The following PBRM1 variants were observed in gnomAD, a reference collection of about 807,000 sequenced individuals.
PBRM1 encodes polybromo 1.
A neutral mutation model predicts 194.5 loss-of-function variants in PBRM1; 27 were observed. The ratio of observed to expected loss-of-function variants is 0.14; its 90% confidence interval spans 0.10 to 0.19. The LOEUF (loss-of-function observed/expected upper bound fraction) is 0.19, where lower values mean the gene tolerates loss of function less well. Ranked by LOEUF, PBRM1 falls within the 10% of genes least tolerant of loss-of-function variation. The pLI is 1.00. For missense variants in PBRM1, 1,466 were observed against 2,077.2 expected (o/e 0.71, Z 5.72); for synonymous variants, 655 against 693.2 (o/e 0.94, Z 0.87).
intron 16 of PBRM1, among the ~76,000 whole-genome samples, chr3:52,607,357 T>G (rs935550360): frequency 1.3e-5 from 2 of 152,214 alleles, no homozygotes; most frequent in African/African-American, 4.8e-5. Flanking sequence ...AGGGTAAAAC[T>G]GTGTGCATCA....
rs776101324 is a variant in PBRM1, at chr3:52,548,083, A to C, written c.5050T>G (p.Tyr1684Asp). The C allele has an allele frequency of 7.4e-6, 12 of 1,610,782 alleles. No individual in the cohort carries two copies. In the Admixed American group the frequency reaches 1.3e-4, roughly 18 times the overall value. ...TGTGATTAAACATTTTCTAGGTTGT[A>C]TGCTTGGCGAATGTTGAGGGTGTCC... The change falls in exon 30 of 30, where the codon TAC (tyrosine) becomes GAC (aspartate). Residue 1684 changes from tyrosine to aspartate, a missense_variant. Physicochemically the swap from Tyr to Asp is radical, Grantham distance 160 (BLOSUM62 -3). Coordinates refer to ENST00000296302, the Ensembl canonical transcript of PBRM1.
chr3:52,625,703 T>G (rs1277089165), intron 13 of PBRM1, among the ~76,000 whole-genome samples: 1 of 151,732 alleles, frequency 6.6e-6, no homozygotes, highest in Non-Finnish European at 1.5e-5. Flanking sequence ...GCCTCCCGAG[T>G]AGCTGGGATT....
intron 22 of PBRM1, among the ~76,000 whole-genome samples, chr3:52,574,990 T>C (rs2088961057): frequency 2.6e-5 from 4 of 152,014 alleles, no homozygotes; most frequent in Admixed American, 1.3e-4. Context: ...AGCCTCGACC[T>C]CCCTGGGCTC....
intron 13 of PBRM1, among the ~76,000 whole-genome samples, chr3:52,619,630 C>G (rs185122937): frequency 1.3e-5 from 2 of 152,216 alleles, no homozygotes; most frequent in Admixed American, 1.3e-4. Context: ...AAGTTCATTC[C>G]TCAGGCAAAC....
intron 17 of PBRM1, among the ~76,000 whole-genome samples, chr3:52,599,964 T>C (rs556843542): frequency 6.6e-6 from 1 of 152,296 alleles, no homozygotes; most frequent in East Asian, 1.9e-4. Flanking sequence ...TATAACAAAA[T>C]CTGCCTTTTA....
At chr3:52,674,059 A>T (rs6414569) in intron 2 of PBRM1, among the ~76,000 whole-genome samples, 69,728 of 150,674 alleles carry the variant, frequency 0.46, 16,437 homozygotes, top group African/African-American at 0.53. Context: ...TCAAAAAAAA[A>T]ATATATATAT....
intron 15 of PBRM1, among the ~76,000 whole-genome samples, chr3:52,614,949 A>G (rs1231702427): frequency 6.6e-6 from 1 of 152,180 alleles, no homozygotes; most frequent in East Asian, 1.9e-4. Flanking sequence ...GTGGCTGGAC[A>G]TCTCTAACTC....
chr3:52,563,286 T>C, exon 24 of PBRM1: 1 of 1,611,784 alleles, frequency 6.2e-7, no homozygotes, highest in Non-Finnish European at 8.5e-7. Flanking sequence ...CCTTCACCTG[T>C]GGGGGTGTGT....
intron 11 of PBRM1, among the ~76,000 whole-genome samples, chr3:52,631,643 G>A (rs985036401): frequency 6.6e-6 from 1 of 151,978 alleles, no homozygotes; most frequent in Non-Finnish European, 1.5e-5. Context: ...ATACTCCCAC[G>A]TCAGCCTCCC....
At chr3:52,616,778 T>A (rs974668732) in intron 14 of PBRM1, among the ~76,000 whole-genome samples, 4 of 152,248 alleles carry the variant, frequency 2.6e-5, no homozygotes, top group African/African-American at 9.6e-5. Flanking sequence ...CTGATTTTTA[T>A]ATAATTATAC....
At chr3:52,561,532 G>A (rs2083530135) in intron 25 of PBRM1, among the ~76,000 whole-genome samples, 1 of 152,138 alleles carries the variant, frequency 6.6e-6, no homozygotes, top group South Asian at 2.1e-4. Flanking sequence ...AAATATTTTG[G>A]AGAAATTTGC....
intron 20 of PBRM1, 39 bp downstream of exon 22, chr3:52,586,386 A>G (rs1235673874): frequency 7.1e-6 from 11 of 1,543,816 alleles, no homozygotes; most frequent in Admixed American, 1.9e-5. Flanking sequence ...AGGTGTTTTG[A>G]GATGTAAAAT....
Position 52,634,823 on chromosome 3 carries a change from G to A in PBRM1, c.1088-8C>T. On this transcript the variant is annotated splice_region_variant and splice_polypyrimidine_tract_variant and intron_variant, in intron 10 of 29. Transcript: ENST00000296302. ...CCTCTTCATAGCGTGCAGCTGGAAA[G>A]ACAAAAAAAGTATTTATAAAGGGAC... The A allele has an allele frequency of 7.5e-6, 12 of 1,591,964 alleles. No homozygotes were observed. The highest frequency in any genetic ancestry group is 5.2e-5 in the Admixed American group (3 of 57,450).
intron 17 of PBRM1, among the ~76,000 whole-genome samples, chr3:52,590,084 C>G (rs1464868741): frequency 6.6e-6 from 1 of 152,038 alleles, no homozygotes; most frequent in Non-Finnish European, 1.5e-5. Flanking sequence ...CTCAGCCTCC[C>G]AAAATGCTGG....
chr3:52,584,450 CT>C (rs397989611), intron 20 of PBRM1, among the ~76,000 whole-genome samples: 82 of 60,742 alleles, frequency 1.3e-3, no homozygotes, highest in African/African-American at 2.2e-3. Flanking sequence ...AGTATTCTTG[CT>C]TTTTTTTTTT....
intron 5 of PBRM1, among the ~76,000 whole-genome samples, chr3:52,657,658 T>C (rs1258330590): frequency 6.6e-6 from 1 of 152,060 alleles, no homozygotes; most frequent in East Asian, 1.9e-4. Flanking sequence ...TTACTAGGGA[T>C]GGGTTTTCAC....
chr3:52,649,229 AG>A (rs1175616518), intron 6 of PBRM1, among the ~76,000 whole-genome samples: 1 of 152,170 alleles, frequency 6.6e-6, no homozygotes, highest in Non-Finnish European at 1.5e-5. Context: ...TCTTACACGG[AG>A]GGAATCAGCA....
At chr3:52,651,670 A>G (rs909261527) in intron 6 of PBRM1, 72 bp downstream of exon 7, 20 of 794,828 alleles carry the variant, frequency 2.5e-5, no homozygotes, top group African/African-American at 2.3e-4. Flanking sequence ...TCTGTTTTCT[A>G]AAAGCTTCTA....
At chr3:52,677,097 T>C (rs1013124554) in intron 2 of PBRM1, among the ~76,000 whole-genome samples, 7 of 152,180 alleles carry the variant, frequency 4.6e-5, no homozygotes, top group African/African-American at 1.7e-4. Context: ...AAGAGAACCC[T>C]GATTAATACA....
Sources: allele counts gnomAD v4.1 joint callset (sites outside exome capture counted in the v4.1 genomes callset), GRCh38; gene constraint gnomAD v4.1.1; transcripts MANE v1.5; gene names NCBI Gene and HGNC (gene_info 2026-07-23, HGNC 2026-07-21).